Variants in MYO3A observed in about 807,000 individuals in gnomAD.
MYO3A encodes the protein myosin IIIA, also known as myosin-IIIa.
In MYO3A, 180 loss-of-function variants were observed where a neutral mutation model predicts 192.7. The observed-to-expected ratio is 0.93, with a 90% CI of 0.83 to 1.06. MYO3A has a LOEUF of 1.06. Ranked by LOEUF, MYO3A falls within the 50% of genes least tolerant of loss-of-function variation. The pLI, the probability that MYO3A is intolerant of heterozygous loss-of-function variation, is 0.00. For synonymous variants in MYO3A, 628 were observed against 645.3 expected, an observed-to-expected ratio of 0.97 and a Z score of 0.41; for missense variants, 1,896 against 1,905.0, an observed-to-expected ratio of 1.00 and a Z score of 0.09.
intron 26 of MYO3A, among the ~76,000 whole-genome samples, chr10:26,159,082 C>CTG (rs1841327173): frequency 6.6e-6 from 1 of 150,952 alleles, no homozygotes; most frequent in Non-Finnish European, 1.5e-5. Context: ...ATCTCGGCTC[C>CTG]TGGGTTCACA....
At chr10:26,159,377 T>G (rs1841360641) in intron 26 of MYO3A, among the ~76,000 whole-genome samples, 1 of 149,854 alleles carries the variant, frequency 6.7e-6, no homozygotes, top group Non-Finnish European at 1.5e-5. Context: ...TTTTTTTTTT[T>G]TAGACAGAGT....
At chr10:26,059,679 G>A (rs922977362) in intron 10 of MYO3A, among the ~76,000 whole-genome samples, 18 of 152,270 alleles carry the variant, frequency 1.2e-4, no homozygotes, top group South Asian at 2.1e-4. Flanking sequence ...GGCATTTGCC[G>A]TATACTTTGT....
rs549258045 is a variant in MYO3A, at chr10:25,983,509, G to A, written c.304-12981G>A. Among the ~76,000 whole-genome samples the A allele has an allele frequency of 8.5e-3, 1,287 of 152,034 alleles. 16 individuals are homozygous for A. The highest frequency in any genetic ancestry group is 0.028 in the African/African-American group (1,160 of 41,474). On this transcript the variant is annotated intron_variant, in intron 4 of 34. Coordinates refer to ENST00000642920, the MANE Select transcript of MYO3A (RefSeq NM_017433.5). ...CCTGACCTTGTGATCCACCCGCCTC[G>A]GCCTCCCAAAGTGCTGGGATTACAG... is the stretch of plus-strand genomic sequence containing the variant.
chr10:26,125,167 G>C (rs1839139123), intron 18 of MYO3A, among the ~76,000 whole-genome samples: 1 of 152,106 alleles, frequency 6.6e-6, no homozygotes, highest in African/African-American at 2.4e-5. Context: ...AGTGTGATTT[G>C]GGTTATGTTA....
chr10:26,129,122 T>G (rs1488593612), intron 20 of MYO3A, among the ~76,000 whole-genome samples: 1 of 152,226 alleles, frequency 6.6e-6, no homozygotes, highest in African/African-American at 2.4e-5. Context: ...TTATTAAATC[T>G]AAAGGAGTCA....
chr10:26,005,108 G>C (rs979656842), intron 6 of MYO3A, among the ~76,000 whole-genome samples: 2 of 152,154 alleles, frequency 1.3e-5, no homozygotes, highest in African/African-American at 2.4e-5. Flanking sequence ...CAGGGGAGAA[G>C]ACTGGCAGAC....
chr10:26,016,044 G>GC (rs1386336347), intron 6 of MYO3A, among the ~76,000 whole-genome samples: 1 of 152,072 alleles, frequency 6.6e-6, no homozygotes, highest in African/African-American at 2.4e-5. Context: ...AAGGGTAGGA[G>GC]CTCTGTACAG....
At chr10:26,144,766 G>T (rs1840355005) in intron 21 of MYO3A, among the ~76,000 whole-genome samples, 1 of 152,014 alleles carries the variant, frequency 6.6e-6, no homozygotes, top group Admixed American at 6.6e-5. Flanking sequence ...CTCAAAATGT[G>T]GTCCCCTGCC....
intron 15 of MYO3A, among the ~76,000 whole-genome samples, chr10:26,089,182 G>A (rs11014953): frequency 6.6e-6 from 1 of 151,998 alleles, no homozygotes; most frequent in African/African-American, 2.4e-5. Flanking sequence ...TTTTATATTA[G>A]TACATTATTA....
chr10:26,101,766 G>T (rs1051695112), intron 17 of MYO3A, among the ~76,000 whole-genome samples: 3 of 152,150 alleles, frequency 2.0e-5, no homozygotes, highest in African/African-American at 7.2e-5. Context: ...CAGGAGATCC[G>T]CTGTTAGTCT....
At chr10:26,166,022 T>C in intron 26 of MYO3A, 45 bp from the exon 27 acceptor site, 3 of 1,490,486 alleles carry the variant, frequency 2.0e-6, no homozygotes, top group South Asian at 1.1e-5. Context: ...TACAGAGATG[T>C]TGGCACTTTA....
intron 2 of MYO3A, among the ~76,000 whole-genome samples, chr10:25,949,662 CA>C (rs2130521691): frequency 6.6e-6 from 1 of 152,164 alleles, no homozygotes; most frequent in East Asian, 1.9e-4. Context: ...AGCATGTATT[CA>C]TAGCCATTTA....
intron 31 of MYO3A, among the ~76,000 whole-genome samples, chr10:26,185,391 G>T (rs150231183): frequency 0.022 from 2,870 of 131,752 alleles, 46 homozygotes; most frequent in Non-Finnish European, 0.03. Context: ...CCAGATGGGA[G>T]TGCAGTGGCA....
At position 25,996,591 on chromosome 10, in the gene MYO3A, A is replaced by G. The variant is rs1840456881; in HGVS notation, c.405A>G (p.Leu135=). 1.9e-6 allele frequency: 3 copies of G among 1,609,374 alleles called. No homozygotes were observed. The African/African-American group carries it at 4.0e-5, about 22-fold the overall frequency. Residue 135 remains leucine (L), a synonymous_variant, in exon 5 of 35, where the codon CTA becomes CTG. Transcript: ENST00000642920. ...TTGCCTATATTTTACATGAAGCACT[A>G]ATGGTAAGGCAATTTAAATTGTATG... The part of the protein sequence containing the change: ...PLIAYILHEA[L]MGLQHLHNNK...
At chr10:26,015,142 A>G (rs1002272577) in intron 6 of MYO3A, among the ~76,000 whole-genome samples, 1 of 152,094 alleles carries the variant, frequency 6.6e-6, no homozygotes, top group Non-Finnish European at 1.5e-5. Flanking sequence ...AAACCTCTAT[A>G]ATGTTCCTGT....
At chr10:26,057,551 T>G (rs12241851) in intron 10 of MYO3A, among the ~76,000 whole-genome samples, 71,882 of 151,944 alleles carry the variant, frequency 0.47, 17,846 homozygotes, top group Middle Eastern at 0.59. Context: ...AAGCTTGAAA[T>G]GTAGACATTT....
chr10:26,060,382 C>T (rs992889081), intron 10 of MYO3A, among the ~76,000 whole-genome samples: 3 of 152,126 alleles, frequency 2.0e-5, no homozygotes, highest in South Asian at 2.1e-4. Flanking sequence ...GCAGGAGAAT[C>T]GCTTGAACCT....
intron 21 of MYO3A, 59 bp from the exon 22 acceptor site, chr10:26,145,387 G>T (rs566411539): frequency 2.6e-6 from 3 of 1,161,590 alleles, no homozygotes; most frequent in African/African-American, 3.0e-5. Flanking sequence ...AATAATTTTC[G>T]CAGTATTTTT....
rs1339447215 is a variant in MYO3A at position 26,070,414 on chromosome 10, T to C, written c.1359+13T>C. The C allele has an allele frequency of 6.2e-7, 1 of 1,601,618 alleles. No homozygotes were observed. Among genetic ancestry groups the C allele is most frequent in the African/African-American group, 1.3e-5 (1 of 74,652 alleles). ...AGTGCTTGGAAAGGTATAATTTATT[T>C]TTTTCTCTGTCCCATCAGAAATATT... On this transcript the variant is annotated intron_variant, in intron 14 of 34. Transcript: ENST00000642920.
Sources: gnomAD v4.1 joint callset for allele counts (sites outside exome capture counted in the v4.1 genomes callset) on GRCh38, gnomAD v4.1.1 for gene constraint, MANE v1.5 for transcripts, NCBI Gene and HGNC (gene_info 2026-07-23, HGNC 2026-07-21) for gene names.